The following MTDH variants were observed in gnomAD, a reference collection of about 807,000 sequenced individuals.
The protein encoded by MTDH is metadherin, also known as protein LYRIC.
MTDH carries 34 observed loss-of-function variants against 72.7 expected under a neutral mutation model. The observed-to-expected ratio is 0.47, with a 90% CI of 0.36 to 0.62. The LOEUF is 0.62. Among genes scored for constraint, MTDH ranks in the 20% least tolerant of loss-of-function variants. The pLI is 0.00. For missense variants in MTDH, 677 were observed against 699.4 expected (o/e 0.97, Z 0.36); for synonymous variants, 266 against 268.9 (o/e 0.99, Z 0.10).
At position 97,711,974 on chromosome 8, in the gene MTDH, A is replaced by G. The variant is rs546868914; in HGVS notation, c.1273-1688A>G. 1.3e-3 allele frequency among the ~76,000 whole-genome samples: 193 copies of G among 152,310 alleles called. 1 individual carries two copies. In the Middle Eastern group the frequency reaches 0.027, roughly 21 times the overall value. ...CATTGATGCAATCAAGATACAGAAC[A>G]TTTATCGTTTCAAGAATGTTTTATT... On this transcript the variant is annotated intron_variant, in intron 8 of 11. Coordinates refer to ENST00000336273, the MANE Select transcript of MTDH (RefSeq NM_178812.4).
At chr8:97,713,977 A>G (rs543461594) in intron 9 of MTDH, among the ~76,000 whole-genome samples, 59 of 152,340 alleles carry the variant, frequency 3.9e-4, no homozygotes, top group African/African-American at 1.3e-3. Flanking sequence ...GTGTTGCTAA[A>G]CTCAAAAATA....
chr8:97,703,884 A>G (rs1563559218), intron 7 of MTDH, among the ~76,000 whole-genome samples: 1 of 152,158 alleles, frequency 6.6e-6, no homozygotes. Flanking sequence ...CAGCAATCCT[A>G]TGAAGTTGAT....
At chr8:97,671,127 G>A (rs1295743280) in intron 2 of MTDH, among the ~76,000 whole-genome samples, 12 of 152,044 alleles carry the variant, frequency 7.9e-5, no homozygotes, top group Non-Finnish European at 1.3e-4. Context: ...CACCGCGCCC[G>A]GCTAATTTTT....
intron 5 of MTDH, among the ~76,000 whole-genome samples, chr8:97,689,684 A>T (rs1305029840): frequency 6.6e-6 from 1 of 151,364 alleles, no homozygotes; most frequent in Non-Finnish European, 1.5e-5. Context: ...GAAATGAAAA[A>T]AGCACCTTCT....
chr8:97,694,109 A>G (rs1813728346), intron 6 of MTDH, among the ~76,000 whole-genome samples: 1 of 152,108 alleles, frequency 6.6e-6, no homozygotes, highest in South Asian at 2.1e-4. Context: ...ATCTGCTCTA[A>G]TTTGAGGGAG....
At position 97,689,042 on chromosome 8, in the gene MTDH, T is replaced by C; in HGVS notation, c.750T>C (p.Asp250=). 1 of 1,550,176 alleles carries C rather than the reference T, an allele frequency of 6.5e-7. No homozygotes were observed. Among genetic ancestry groups the C allele is most frequent in the Non-Finnish European group, 8.8e-7 (1 of 1,131,334 alleles). The change falls in exon 5 of 12, where the codon GAT becomes GAC. Residue 250 remains aspartate (D), a synonymous_variant. Coordinates refer to ENST00000336273, the MANE Select transcript of MTDH (RefSeq NM_178812.4). ...FPVGSKKNKG[D]SHLNVQVSNF... The stretch of plus-strand genomic sequence containing the variant: ...TTTTATTTCTATTTTAACCAGGTGA[T>C]TCTCATCTAAATGTTCAAGTTAGCA...
chr8:97,683,347 G>A (rs1051549626), intron 2 of MTDH, among the ~76,000 whole-genome samples: 8 of 151,814 alleles, frequency 5.3e-5, no homozygotes, highest in Non-Finnish European at 1.2e-4. Context: ...ACAGGCGTGA[G>A]CCACCACGCC....
At chr8:97,654,495 A>G (rs962554117) in intron 1 of MTDH, among the ~76,000 whole-genome samples, 3 of 152,090 alleles carry the variant, frequency 2.0e-5, no homozygotes, top group Non-Finnish European at 2.9e-5. Flanking sequence ...ACTGTCTTAT[A>G]GTCTAACTTA....
intron 6 of MTDH, among the ~76,000 whole-genome samples, 162 bp downstream of exon 6, chr8:97,691,350 G>A (rs1813600156): frequency 6.6e-6 from 1 of 152,118 alleles, no homozygotes; most frequent in African/African-American, 2.4e-5. Flanking sequence ...TGTAGAGCAA[G>A]GTGGGAATTA....
intron 2 of MTDH, among the ~76,000 whole-genome samples, chr8:97,679,139 C>T (rs772956415): frequency 1.3e-5 from 2 of 152,140 alleles, no homozygotes; most frequent in Non-Finnish European, 2.9e-5. Flanking sequence ...GGTTAGTAAT[C>T]ACTTGTGCCT....
rs1363194842 is a variant in MTDH, at chr8:97,697,129, AATATATATAT to A, written c.1049-2612_1049-2603del. ...TGAGACTCTGTCTCACAAAAAAAAAAATATATATATATATATATATATTTTTTTTTTGTGG... is the reference window on the plus strand; with the variant it reads ...TGAGACTCTGTCTCACAAAAAAAAAAATATATATATATTTTTTTTTTGTGG... On this transcript the variant is annotated intron_variant, in intron 6 of 11. Transcript: ENST00000336273. 3.5e-5 allele frequency among the ~76,000 whole-genome samples: 3 copies of A among 85,772 alleles called. 1 individual carries two copies. Among genetic ancestry groups the A allele is most frequent in the East Asian group, 4.8e-4 (1 of 2,088 alleles). 56.3% of individuals were successfully genotyped at this position (85,772 alleles called of 152,430 possible). A position where few individuals can be genotyped will look rare whatever the true frequency, so the allele number is the denominator to read the frequency against.
intron 2 of MTDH, among the ~76,000 whole-genome samples, chr8:97,677,180 CAAAAAAAAAAAAAAAAAA>C (rs71271142): frequency 2.3e-5 from 1 of 44,108 alleles, no homozygotes; most frequent in Non-Finnish European, 4.0e-5. Flanking sequence ...AAGCCTGTCT[CAAAAAAAAAAAAAAAAAA>C]AAAAAAAAAA....
At chr8:97,681,107 G>A (rs754661672) in intron 2 of MTDH, among the ~76,000 whole-genome samples, 1 of 152,016 alleles carries the variant, frequency 6.6e-6, no homozygotes, top group Non-Finnish European at 1.5e-5. Context: ...CAAATGGAGT[G>A]GAACGTGAGC....
chr8:97,680,270 C>A (rs1813019386), intron 2 of MTDH, among the ~76,000 whole-genome samples: 1 of 152,042 alleles, frequency 6.6e-6, no homozygotes, highest in African/African-American at 2.4e-5. Context: ...CACAGTTTTG[C>A]CGTGTTGCCC....
intron 2 of MTDH, among the ~76,000 whole-genome samples, chr8:97,681,170 A>G (rs2130983553): frequency 6.6e-6 from 1 of 152,292 alleles, no homozygotes; most frequent in Admixed American, 6.5e-5. Flanking sequence ...GAACATCGGT[A>G]GGGGAGCAGA....
chr8:97,695,729 C>T (rs1813810965), intron 6 of MTDH, among the ~76,000 whole-genome samples: 1 of 152,230 alleles, frequency 6.6e-6, no homozygotes, highest in South Asian at 2.1e-4. Flanking sequence ...GTATGAATCT[C>T]TATTCTTCTA....
At chr8:97,698,058 A>G (rs563519743) in intron 6 of MTDH, among the ~76,000 whole-genome samples, 1 of 152,326 alleles carries the variant, frequency 6.6e-6, no homozygotes, top group South Asian at 2.1e-4. Flanking sequence ...TAGAGAGAGT[A>G]TATCAAGCAG....
At chr8:97,648,494 C>G (rs975563325) in intron 1 of MTDH, among the ~76,000 whole-genome samples, 1 of 144,482 alleles carries the variant, frequency 6.9e-6, no homozygotes, top group Non-Finnish European at 1.5e-5. Context: ...AGAAAATTGT[C>G]TTTTTTTTTT....
intron 2 of MTDH, among the ~76,000 whole-genome samples, chr8:97,677,918 T>TG (rs1473625047): frequency 6.6e-6 from 1 of 152,194 alleles, no homozygotes; most frequent in Non-Finnish European, 1.5e-5. Context: ...AGAAATACTA[T>TG]GGGGAAACAC....
Sources: allele counts gnomAD v4.1 joint callset (sites outside exome capture counted in the v4.1 genomes callset), GRCh38; gene constraint gnomAD v4.1.1; transcripts MANE v1.5; gene names NCBI Gene and HGNC (gene_info 2026-07-23, HGNC 2026-07-21).